PFKFB3: variants seen among roughly 807,000 people sequenced by gnomAD.
PFKFB3 encodes the protein 6-phosphofructo-2-kinase/fructose-2,6-biphosphatase 3.
In PFKFB3, 33 loss-of-function variants were observed where a neutral mutation model predicts 68.0. That is an observed-to-expected ratio of 0.49 (90% CI 0.37 to 0.65). The LOEUF is 0.65. Among genes scored for constraint, PFKFB3 ranks in the 30% least tolerant of loss-of-function variants. PFKFB3 has a pLI of 0.00. For synonymous variants in PFKFB3, 315 were observed against 288.2 expected, an observed-to-expected ratio of 1.09 and a Z score of -0.94; for missense variants, 586 against 712.2, an observed-to-expected ratio of 0.82 and a Z score of 2.02.
At chr10:6,213,837 T>C in intron 2 of PFKFB3, 89 bp downstream of exon 2, 1 of 1,428,986 alleles carries the variant, frequency 7.0e-7, no homozygotes, top group Non-Finnish European at 9.6e-7. Flanking sequence ...GGACCACCCC[T>C]GGGCGCCTCT....
chr10:6,146,180 C>G, intron 1 of PFKFB3: 1 of 1,386,234 alleles, frequency 7.2e-7, no homozygotes, highest in South Asian at 1.5e-5. Context: ...TGGGCCTGTG[C>G]TGTGCCGTCT....
At chr10:6,195,684 C>CG (rs1564611152) in intron 1 of PFKFB3, among the ~76,000 whole-genome samples, 1 of 152,128 alleles carries the variant, frequency 6.6e-6, no homozygotes, top group Admixed American at 6.5e-5. Flanking sequence ...AGAGAGTATT[C>CG]GGGGGGCTCC....
At chr10:6,289,968 C>A in the PFKFB3 span, among the ~76,000 whole-genome samples, 1 of 151,946 alleles carries the variant, frequency 6.6e-6, no homozygotes, top group African/African-American at 2.4e-5. Context: ...TTGAAGCAAT[C>A]GTGAATGGGA....
the PFKFB3 span, among the ~76,000 whole-genome samples, chr10:6,264,390 T>C: frequency 2.0e-5 from 3 of 152,320 alleles, no homozygotes; most frequent in East Asian, 5.8e-4. Flanking sequence ...TTGCTAGGAT[T>C]TTAATTTAAA....
At chr10:6,267,730 G>A in the PFKFB3 span, among the ~76,000 whole-genome samples, 11 of 151,972 alleles carry the variant, frequency 7.2e-5, no homozygotes, top group East Asian at 1.7e-3. Flanking sequence ...CGAGGCGGGC[G>A]GATCACCTGA....
Position 6,159,705 on chromosome 10 carries a change from A to C in PFKFB3, c.16+14692A>C, listed in dbSNP as rs138474389. ...GAAACTCCGTCTGAGGAAAAAAAAA[A>C]AAAACAAAACACCAAAAAACCAAAA... On this transcript the variant is annotated intron_variant, in intron 1 of 14. Coordinates refer to the PFKFB3 transcript ENST00000379789. Among the ~76,000 whole-genome samples, 373 of 151,644 alleles carry C rather than the reference A, an allele frequency of 2.5e-3. 3 individuals are homozygous for C. The highest frequency in any genetic ancestry group is 0.021 in the East Asian group (107 of 5,160).
At chr10:6,166,430 C>G (rs1350255197) in intron 1 of PFKFB3, among the ~76,000 whole-genome samples, 1 of 152,004 alleles carries the variant, frequency 6.6e-6, no homozygotes, top group Non-Finnish European at 1.5e-5. Context: ...TCCTTCCACT[C>G]AATGCATCTA....
At chr10:6,156,129 A>ATGTGTGTATGTGTG (rs373582528) in intron 1 of PFKFB3, among the ~76,000 whole-genome samples, 163 of 96,982 alleles carry the variant, frequency 1.7e-3, no homozygotes, top group African/African-American at 4.0e-3. Context: ...GTACATATAT[A>ATGTGTGTATGTGTG]TGTGTGTGTG....
intron 1 of PFKFB3, among the ~76,000 whole-genome samples, chr10:6,203,800 T>G (rs1428756456): frequency 6.6e-6 from 1 of 152,202 alleles, no homozygotes; most frequent in Non-Finnish European, 1.5e-5. Context: ...TCGCTTCACT[T>G]AATAACCTAT....
chr10:6,158,177 T>C (rs899582694), intron 1 of PFKFB3, among the ~76,000 whole-genome samples: 1 of 151,648 alleles, frequency 6.6e-6, no homozygotes, highest in Non-Finnish European at 1.5e-5. Context: ...TGGTCCCAGC[T>C]ACTTGGGAGG....
At chr10:6,202,861 G>GC, upstream of PFKFB3, 1 of 1,030,950 alleles carries the variant, frequency 9.7e-7, no homozygotes, top group Non-Finnish European at 1.2e-6. Flanking sequence ...AATGCGGCCC[G>GC]CCCCGAGGCT....
chr10:6,214,601 T>C (rs532924686), intron 2 of PFKFB3, among the ~76,000 whole-genome samples: 1 of 152,294 alleles, frequency 6.6e-6, no homozygotes, highest in South Asian at 2.1e-4. Context: ...GATTGGGGAT[T>C]GGGCTTCTAG....
At chr10:6,184,659 C>T (rs1011484918) in intron 1 of PFKFB3, among the ~76,000 whole-genome samples, 6 of 151,150 alleles carry the variant, frequency 4.0e-5, no homozygotes, top group Non-Finnish European at 5.9e-5. Context: ...TCAGTAGAGA[C>T]GGGGGTTTTA....
intron 14 of PFKFB3, among the ~76,000 whole-genome samples, chr10:6,231,885 C>CGGGCACCCATCACCTCCCGGT (rs914113260): frequency 9.9e-5 from 15 of 151,294 alleles, no homozygotes; most frequent in African/African-American, 1.9e-4. Context: ...CACCTCTCGG[C>CGGGCACCCATCACCTCCCGGT]GGGCACCCAT....
the PFKFB3 span, among the ~76,000 whole-genome samples, chr10:6,282,375 G>A: frequency 6.6e-6 from 1 of 152,184 alleles, no homozygotes; most frequent in Non-Finnish European, 1.5e-5. Flanking sequence ...GCGGCTCAAT[G>A]TATGTTTCCA....
At chr10:6,269,729 T>C in the PFKFB3 span, among the ~76,000 whole-genome samples, 1 of 152,196 alleles carries the variant, frequency 6.6e-6, no homozygotes, top group Non-Finnish European at 1.5e-5. Flanking sequence ...TTCTGGTCAC[T>C]GACTGAGTTA....
intron 1 of PFKFB3, among the ~76,000 whole-genome samples, chr10:6,203,607 C>T (rs1843484462): frequency 6.6e-6 from 1 of 151,788 alleles, no homozygotes. Flanking sequence ...CGCGCCTGGG[C>T]AGGCCAGGGA....
intron 14 of PFKFB3, among the ~76,000 whole-genome samples, chr10:6,244,852 G>A (rs1010924862): frequency 6.6e-6 from 1 of 152,140 alleles, no homozygotes; most frequent in African/African-American, 2.4e-5. Context: ...TTAATGGCCC[G>A]AGATTGTGCT....
At chr10:6,254,208 C>T (rs974803442) in exon 15 of PFKFB3, 1 of 397,866 alleles carries the variant, frequency 2.5e-6, no homozygotes, top group Admixed American at 4.4e-5. Context: ...TGGAAGGGAC[C>T]CTGAGCCACC....
Sources: gnomAD v4.1 joint callset for allele counts (sites outside exome capture counted in the v4.1 genomes callset) on GRCh38, gnomAD v4.1.1 for gene constraint, MANE v1.5 for transcripts, NCBI Gene and HGNC (gene_info 2026-07-23, HGNC 2026-07-21) for gene names.